Variants in VPS45 observed in about 807,000 individuals in gnomAD.
VPS45 encodes the protein vacuolar protein sorting-associated protein 45.
A neutral mutation model predicts 75.9 loss-of-function variants in VPS45; 35 were observed. The observed-to-expected ratio is 0.46, with a 90% CI of 0.35 to 0.61. The LOEUF is 0.61. Among genes scored for constraint, VPS45 ranks in the 20% least tolerant of loss-of-function variants. The probability of loss-of-function intolerance (pLI) is 0.00; values close to 1 mark genes in which losing one functional copy is unlikely to be tolerated. For synonymous variants in VPS45, 220 were observed against 238.2 expected (o/e 0.92, Z 0.70); for missense variants, 559 against 685.9 (o/e 0.81, Z 2.07).
Position 150,145,107 on chromosome 1 carries a change from A to AAAAAGT in VPS45, c.*314_*319dup, listed in dbSNP as rs2101673242. On this transcript the variant is annotated 3_prime_UTR_variant, in exon 15 of 15. Coordinates refer to ENST00000644510, the MANE Select transcript of VPS45 (RefSeq NM_007259.5). ...GGGTTATCAGAGCCTAGAGGGGCTT[A>AAAAAGT]AAAAGTAATCATTTGATGTACATAC... 1.7e-6 allele frequency: 1 copy of AAAAAGT among 595,268 alleles called. No homozygotes were observed. The highest frequency in any genetic ancestry group is 2.8e-5 in the East Asian group (1 of 35,660). 36.9% of individuals were successfully genotyped at this position (595,268 alleles called of 1,614,324 possible).
intron 14 of VPS45, among the ~76,000 whole-genome samples, chr1:150,126,936 T>A (rs1553810931): frequency 6.6e-6 from 1 of 152,214 alleles, no homozygotes; most frequent in Non-Finnish European, 1.5e-5. Flanking sequence ...TAATTTAAAA[T>A]GGAATAGTTT....
At chr1:150,132,759 C>T (rs1658895389) in intron 14 of VPS45, among the ~76,000 whole-genome samples, 1 of 152,164 alleles carries the variant, frequency 6.6e-6, no homozygotes, top group Non-Finnish European at 1.5e-5. Flanking sequence ...CCAGTTTTGC[C>T]ACATATTCAC....
intron 3 of VPS45, among the ~76,000 whole-genome samples, chr1:150,074,891 A>AT (rs1357872175): frequency 2.0e-5 from 3 of 150,396 alleles, no homozygotes; most frequent in East Asian, 1.9e-4. Context: ...ATAAGGACTC[A>AT]TTTTTTTAAA....
At chr1:150,074,955 C>CTTTTTTTTTTT (rs782039324) in intron 3 of VPS45, among the ~76,000 whole-genome samples, 9 of 81,114 alleles carry the variant, frequency 1.1e-4, no homozygotes, top group Middle Eastern at 0.014. Context: ...ATTATTTATT[C>CTTTTTTTTTTT]TTTTTTTTTT....
At chr1:150,072,251 A>G (rs1553797224) in intron 3 of VPS45, 25 bp downstream of exon 3, 2 of 1,551,292 alleles carry the variant, frequency 1.3e-6, no homozygotes, top group Admixed American at 3.5e-5. Context: ...TCACTTTTTC[A>G]AACATGTAAC....
At chr1:150,080,983 G>A (rs1283079742) in intron 7 of VPS45, among the ~76,000 whole-genome samples, 2 of 152,158 alleles carry the variant, frequency 1.3e-5, no homozygotes, top group Admixed American at 6.5e-5. Flanking sequence ...GGTACAGCTT[G>A]TAACTGCAGT....
intron 10 of VPS45, among the ~76,000 whole-genome samples, chr1:150,088,400 A>G (rs1656128665): frequency 3.4e-5 from 5 of 147,720 alleles, no homozygotes; most frequent in Admixed American, 3.4e-4. Flanking sequence ...GCCACAAATG[A>G]CAGGATTTTG....
chr1:150,067,844 G>C lies in VPS45; in HGVS notation c.-14G>C. The C allele has an allele frequency of 6.2e-7, 1 of 1,613,862 alleles. No homozygotes were observed. Among genetic ancestry groups the C allele is most frequent in the Non-Finnish European group, 8.5e-7 (1 of 1,179,772 alleles). ...GGGCGGGAAGGGCTGTAGGGTACTT[G>C]TCAATTCGCCGCCATGAACGTGGTT... On this transcript the variant is annotated 5_prime_UTR_variant, in exon 1 of 15. Coordinates refer to ENST00000644510, the MANE Select transcript of VPS45 (RefSeq NM_007259.5).
intron 13 of VPS45, among the ~76,000 whole-genome samples, chr1:150,095,438 C>T (rs1166989601): frequency 6.6e-6 from 1 of 152,102 alleles, no homozygotes; most frequent in Non-Finnish European, 1.5e-5. Context: ...CATGGCAAAA[C>T]CCTGTCTCTA....
At chr1:150,136,379 C>A (rs1371536887) in intron 14 of VPS45, among the ~76,000 whole-genome samples, 2 of 151,506 alleles carry the variant, frequency 1.3e-5, no homozygotes, top group African/African-American at 4.9e-5. Context: ...CATGGTGAAA[C>A]CCCGTCTCTA....
At chr1:150,126,455 C>T (rs587642829) in intron 14 of VPS45, among the ~76,000 whole-genome samples, 27 of 152,118 alleles carry the variant, frequency 1.8e-4, no homozygotes, top group South Asian at 1.2e-3. Flanking sequence ...CCTCGTGATC[C>T]GCCCTCCTCG....
At chr1:150,101,223 G>A (rs936095516) in intron 13 of VPS45, among the ~76,000 whole-genome samples, 10 of 150,188 alleles carry the variant, frequency 6.7e-5, no homozygotes, top group African/African-American at 2.2e-4. Context: ...AGCCGAGATT[G>A]TGCCATTGCA....
intron 9 of VPS45, 135 bp downstream of exon 9, chr1:150,082,132 T>C (rs879978617): frequency 5.3e-5 from 33 of 620,336 alleles, no homozygotes; most frequent in Non-Finnish European, 8.5e-5. Flanking sequence ...TTTTCTGTAA[T>C]GTCTTTAAAC....
At chr1:150,089,363 TTTTA>T (rs1656202701) in intron 10 of VPS45, among the ~76,000 whole-genome samples, 1 of 151,996 alleles carries the variant, frequency 6.6e-6, no homozygotes, top group South Asian at 2.1e-4. Context: ...TTTTTAAAAT[TTTTA>T]TTTATTTATT....
intron 13 of VPS45, among the ~76,000 whole-genome samples, chr1:150,101,010 A>G (rs1553804150): frequency 6.6e-6 from 1 of 152,192 alleles, no homozygotes; most frequent in African/African-American, 2.4e-5. Context: ...CAAGAGAAAA[A>G]CAACCTCATT....
At chr1:150,141,877 A>G (rs1659407168) in intron 14 of VPS45, among the ~76,000 whole-genome samples, 1 of 152,128 alleles carries the variant, frequency 6.6e-6, no homozygotes, top group East Asian at 1.9e-4. Context: ...ATTGAATTGA[A>G]CTGAATTGAA....
intron 13 of VPS45, among the ~76,000 whole-genome samples, chr1:150,103,346 AT>A (rs1281858501): frequency 6.6e-6 from 1 of 152,200 alleles, no homozygotes; most frequent in African/African-American, 2.4e-5. Context: ...AAAAGGAAAA[AT>A]GTCAGGGGTA....
At chr1:150,085,524 A>G (rs587725929) in intron 10 of VPS45, among the ~76,000 whole-genome samples, 1 of 152,216 alleles carries the variant, frequency 6.6e-6, no homozygotes, top group South Asian at 2.1e-4. Flanking sequence ...GTTGATTTGG[A>G]GTCCCCCATC....
intron 10 of VPS45, 31 bp downstream of exon 10, chr1:150,082,914 T>A (rs1553799810): frequency 6.3e-7 from 1 of 1,595,728 alleles, no homozygotes; most frequent in Admixed American, 1.8e-5. Context: ...ACCTACTATG[T>A]GTAAGGCACT....
Sources: gnomAD v4.1 joint callset for allele counts (sites outside exome capture counted in the v4.1 genomes callset) on GRCh38, gnomAD v4.1.1 for gene constraint, MANE v1.5 for transcripts, NCBI Gene and HGNC (gene_info 2026-07-23, HGNC 2026-07-21) for gene names.